The following ATP9B variants were observed in gnomAD, a reference collection of about 807,000 sequenced individuals.
ATP9B encodes probable phospholipid-transporting ATPase IIB.
Under a neutral mutation model 146.1 loss-of-function variants are expected in ATP9B, and 110 were observed. That is an observed-to-expected ratio of 0.75 (90% CI 0.65 to 0.88). The LOEUF (loss-of-function observed/expected upper bound fraction) is 0.88. Among genes scored for constraint, ATP9B ranks in the 40% least tolerant of loss-of-function variants. The pLI is 0.00. For missense variants in ATP9B, 1,499 were observed against 1,496.4 expected (o/e 1.00, Z -0.03); for synonymous variants, 604 against 569.7 (o/e 1.06, Z -0.86).
At chr18:79,209,160 G>A (rs1359399990) in intron 10 of ATP9B, among the ~76,000 whole-genome samples, 1 of 152,230 alleles carries the variant, frequency 6.6e-6, no homozygotes, top group East Asian at 1.9e-4. Flanking sequence ...CCAGAATGGA[G>A]TCCAGCTGTG....
intron 9 of ATP9B, among the ~76,000 whole-genome samples, chr18:79,194,080 A>G (rs1175833004): frequency 2.6e-5 from 4 of 152,330 alleles, no homozygotes; most frequent in Admixed American, 1.3e-4. Flanking sequence ...TAGGTGCTGC[A>G]CACAAGCATG....
chr18:79,215,525 C>CT (rs1340831037), intron 11 of ATP9B, among the ~76,000 whole-genome samples: 1 of 130,624 alleles, frequency 7.7e-6, no homozygotes, highest in African/African-American at 3.2e-5. Flanking sequence ...TGCAGTTTGA[C>CT]TCTAATTTGC....
At chr18:79,235,055 T>C (rs1031846714) in intron 11 of ATP9B, among the ~76,000 whole-genome samples, 2 of 152,044 alleles carry the variant, frequency 1.3e-5, no homozygotes, top group Non-Finnish European at 2.9e-5. Context: ...ATATTTTTAA[T>C]AGAGATGGGG....
At chr18:79,129,811 T>C (rs1018465419) in intron 5 of ATP9B, among the ~76,000 whole-genome samples, 8 of 152,098 alleles carry the variant, frequency 5.3e-5, no homozygotes, top group African/African-American at 1.9e-4. Context: ...TGGTGCGATC[T>C]CAGCTCACTG....
intron 12 of ATP9B, among the ~76,000 whole-genome samples, chr18:79,258,575 C>T (rs554379598): frequency 6.6e-6 from 1 of 152,330 alleles, no homozygotes; most frequent in Non-Finnish European, 1.5e-5. Flanking sequence ...ATACAACACC[C>T]ACACCCCAGG....
At chr18:79,359,654 A>T in intron 26 of ATP9B, 192 bp downstream of exon 26, 1 of 569,334 alleles carries the variant, frequency 1.8e-6, no homozygotes, top group Non-Finnish European at 3.2e-6. Context: ...TCAAAAGGGG[A>T]AAAACATCTC....
At chr18:79,317,571 A>T (rs1298680328) in intron 15 of ATP9B, among the ~76,000 whole-genome samples, 1 of 152,240 alleles carries the variant, frequency 6.6e-6, no homozygotes, top group Non-Finnish European at 1.5e-5. Context: ...GGTCTAATAC[A>T]GAAAAAATAT....
chr18:79,373,781 G>A (rs767016189), intron 27 of ATP9B, 117 bp from the exon 28 acceptor site: 435 of 1,036,094 alleles, frequency 4.2e-4, no homozygotes, highest in Non-Finnish European at 5.4e-4. Flanking sequence ...GAGCTGCTGC[G>A]CCTGGCCTAT....
At chr18:79,369,810 T>C (rs2097058900) in intron 26 of ATP9B, among the ~76,000 whole-genome samples, 1 of 151,986 alleles carries the variant, frequency 6.6e-6, no homozygotes, top group South Asian at 2.1e-4. Flanking sequence ...TAAAATTTGC[T>C]TGATTTGGCC....
chr18:79,287,372 T>A (rs1249650873), intron 13 of ATP9B, among the ~76,000 whole-genome samples: 2 of 152,260 alleles, frequency 1.3e-5, no homozygotes, highest in Non-Finnish European at 2.9e-5. Context: ...GAGGAATTTA[T>A]CCATTTCTTC....
chr18:79,265,793 C>T (rs749533369), intron 12 of ATP9B, among the ~76,000 whole-genome samples: 2 of 151,884 alleles, frequency 1.3e-5, no homozygotes, highest in Non-Finnish European at 2.9e-5. Context: ...CTTGATGTCT[C>T]CATCATAAAA....
In ATP9B at chr18:79,190,040, C is replaced by T. The variant is rs1161763463; in HGVS notation, c.874-3143C>T. Among the ~76,000 whole-genome samples, 4 of 152,244 alleles carry T rather than the reference C, an allele frequency of 2.6e-5. No individual in the cohort carries two copies. The South Asian group carries it at 6.2e-4, about 24-fold the overall frequency. ...CCAGCAGACCCTTGCACGCACTCCC[C>T]GCAGCAGCAGCAGGAGGGGCTGCGA... is the stretch of plus-strand genomic sequence containing the variant. On this transcript the variant is annotated intron_variant, in intron 8 of 29. Transcript: ENST00000426216.
At chr18:79,324,677 T>C (rs557741648) in intron 15 of ATP9B, among the ~76,000 whole-genome samples, 5 of 144,752 alleles carry the variant, frequency 3.5e-5, no homozygotes, top group African/African-American at 1.3e-4. Context: ...ACATGCAGGG[T>C]TGATTAATAA....
At chr18:79,180,156 A>G (rs1280815551) in intron 8 of ATP9B, among the ~76,000 whole-genome samples, 1 of 152,044 alleles carries the variant, frequency 6.6e-6, no homozygotes, top group African/African-American at 2.4e-5. Flanking sequence ...TTTGAATTTA[A>G]AGTGTTTTTT....
intron 7 of ATP9B, among the ~76,000 whole-genome samples, chr18:79,166,969 C>G (rs1046500852): frequency 6.6e-5 from 10 of 152,206 alleles, no homozygotes; most frequent in Non-Finnish European, 1.0e-4. Flanking sequence ...GCAGGCAGCT[C>G]CAGGTGCCGG....
At chr18:79,176,759 A>T (rs1022310452) in intron 7 of ATP9B, 54 bp from the exon 8 acceptor site, 1 of 1,496,530 alleles carries the variant, frequency 6.7e-7, no homozygotes, top group Non-Finnish European at 9.3e-7. Flanking sequence ...GTAGCTCAGG[A>T]AAAACCTTCT....
rs1045584610 is a variant in ATP9B, at chr18:79,239,800, G to T, written c.1108-13581G>T. Among the ~76,000 whole-genome samples the T allele has an allele frequency of 6.6e-6, 1 of 152,128 alleles. No homozygotes were observed. The highest frequency in any genetic ancestry group is 2.1e-4 in the South Asian group (1 of 4,824). ...CTCGAGAGCATTGTTTTGTGAGGGC[G>T]GTTGATCATCAGTTAATTATTACAC... is the stretch of plus-strand genomic sequence containing the variant. On this transcript the variant is annotated intron_variant, in intron 11 of 29. Coordinates refer to ENST00000426216, the MANE Select transcript of ATP9B (RefSeq NM_198531.5). The surrounding 1 kb of genome is among the most constrained non-coding windows in gnomAD (Gnocchi z 5.1).
intron 12 of ATP9B, among the ~76,000 whole-genome samples, chr18:79,261,962 A>G (rs1429328624): frequency 6.6e-6 from 1 of 152,036 alleles, no homozygotes; most frequent in Non-Finnish European, 1.5e-5. Context: ...TTTACTCACC[A>G]TCCGAGTATG....
At chr18:79,322,315 C>T (rs553050709) in intron 15 of ATP9B, among the ~76,000 whole-genome samples, 8 of 152,324 alleles carry the variant, frequency 5.3e-5, no homozygotes, top group Admixed American at 4.6e-4. Flanking sequence ...ACGGCAGTGC[C>T]GTCCAACCTC....
Sources: gnomAD v4.1 joint callset for allele counts (sites outside exome capture counted in the v4.1 genomes callset) on GRCh38, gnomAD v4.1.1 for gene constraint, Gnocchi (gnomAD v3.1) non-coding constraint, MANE v1.5 for transcripts, NCBI Gene and HGNC (gene_info 2026-07-23, HGNC 2026-07-21) for gene names.